Variants in WWC2 observed in about 807,000 individuals in gnomAD.
The protein encoded by WWC2 is WW and C2 domain containing 2, also known as protein WWC2.
In WWC2, 101 loss-of-function variants were observed where a neutral mutation model predicts 138.5. That is an observed-to-expected ratio of 0.73 (90% confidence interval 0.62 to 0.86). The LOEUF (loss-of-function observed/expected upper bound fraction) is 0.86. WWC2 is among the 40% of genes least tolerant of loss of function. WWC2 has a pLI of 0.00. For missense variants in WWC2, 1,420 were observed against 1,419.4 expected, an observed-to-expected ratio of 1.00 and a Z score of -0.01; for synonymous variants, 558 against 538.4, an observed-to-expected ratio of 1.04 and a Z score of -0.50.
chr4:183,255,902 C>T (rs1274361467), intron 9 of WWC2, among the ~76,000 whole-genome samples: 1 of 142,088 alleles, frequency 7.0e-6, no homozygotes, highest in African/African-American at 3.1e-5. Context: ...AACGAACAGC[C>T]CAAACCTCAC....
intron 1 of WWC2, among the ~76,000 whole-genome samples, chr4:183,138,413 G>A (rs138006987): frequency 1.3e-5 from 2 of 152,248 alleles, no homozygotes; most frequent in African/African-American, 4.8e-5. Context: ...CTTAGCTCAG[G>A]GGTTTGGACA....
chr4:183,167,421 A>G (rs1734158051), intron 1 of WWC2, among the ~76,000 whole-genome samples: 1 of 152,164 alleles, frequency 6.6e-6, no homozygotes, highest in African/African-American at 2.4e-5. Flanking sequence ...TAAGGGAGAG[A>G]GAGGTTATTT....
intron 4 of WWC2, among the ~76,000 whole-genome samples, chr4:183,212,594 A>T (rs114727756): frequency 6.6e-6 from 1 of 152,212 alleles, no homozygotes; most frequent in Non-Finnish European, 1.5e-5. Flanking sequence ...CACCCTTTTC[A>T]TAGTTCTTAT....
intron 1 of WWC2, among the ~76,000 whole-genome samples, chr4:183,186,149 A>G (rs112321794): frequency 0.03 from 4,583 of 152,128 alleles, 239 homozygotes; most frequent in African/African-American, 0.11. Context: ...GGGTTTCACC[A>G]TTCACAGGAT....
intron 2 of WWC2, among the ~76,000 whole-genome samples, chr4:183,203,063 CAGTT>C (rs931193279): frequency 1.3e-5 from 2 of 152,096 alleles, no homozygotes; most frequent in African/African-American, 4.8e-5. Context: ...AATTTGAACC[CAGTT>C]AGACTGAATA....
At chr4:183,154,108 G>T (rs1026124732) in intron 1 of WWC2, among the ~76,000 whole-genome samples, 3 of 151,024 alleles carry the variant, frequency 2.0e-5, no homozygotes, top group African/African-American at 7.3e-5. Flanking sequence ...TAAATTTCTG[G>T]GTTAATTTTT....
rs550828470 is a variant in WWC2 at position 183,178,637 on chromosome 4, C to T, written c.132-14962C>T. The stretch of plus-strand genomic sequence containing the variant: ...GATGGAACTGAAGCACCAGATACTT[C>T]CCCACAAGCTATTAAGGCTGAGTTA... On this transcript the variant is annotated intron_variant, in intron 1 of 22. Coordinates refer to ENST00000403733, the MANE Select transcript of WWC2 (RefSeq NM_024949.6). Among the ~76,000 whole-genome samples, 10 of 151,868 alleles carry T rather than the reference C, an allele frequency of 6.6e-5. 1 individual carries two copies. The South Asian group carries it at 1.7e-3, about 25-fold the overall frequency.
intron 20 of WWC2, 145 bp downstream of exon 20, chr4:183,286,204 C>T (rs550546611): frequency 5.5e-5 from 40 of 732,194 alleles, no homozygotes; most frequent in East Asian, 8.4e-5. Context: ...TACACAGAGA[C>T]GCAGATGCCA....
intron 1 of WWC2, among the ~76,000 whole-genome samples, chr4:183,170,124 C>T (rs1297052481): frequency 6.6e-6 from 1 of 152,138 alleles, no homozygotes; most frequent in Non-Finnish European, 1.5e-5. Flanking sequence ...ATTAGTATTC[C>T]AGATGCTTAT....
intron 21 of WWC2, among the ~76,000 whole-genome samples, chr4:183,291,262 C>T (rs1738442190): frequency 6.6e-6 from 1 of 152,122 alleles, no homozygotes; most frequent in Admixed American, 6.5e-5. Flanking sequence ...TGGAGCTTCA[C>T]AGCGGGGAGA....
chr4:183,303,453 A>G (rs1030143399), intron 21 of WWC2, among the ~76,000 whole-genome samples: 8 of 152,192 alleles, frequency 5.3e-5, no homozygotes, highest in African/African-American at 1.9e-4. Flanking sequence ...CATACCTACA[A>G]GAGGGAGTCA....
chr4:183,243,737 CTGTG>C (rs56654737), intron 5 of WWC2, among the ~76,000 whole-genome samples: 10,299 of 129,768 alleles, frequency 0.079, 417 homozygotes, highest in South Asian at 0.091. Flanking sequence ...ATTCTAAACA[CTGTG>C]TGTGTGTGTG....
chr4:183,172,199 C>G (rs967664475), intron 1 of WWC2, among the ~76,000 whole-genome samples: 3 of 152,120 alleles, frequency 2.0e-5, no homozygotes, highest in Non-Finnish European at 4.4e-5. Flanking sequence ...CAAGTTTGTC[C>G]TGGTTAATCA....
At chr4:183,258,909 C>G (rs564147169) in intron 9 of WWC2, among the ~76,000 whole-genome samples, 2 of 152,038 alleles carry the variant, frequency 1.3e-5, no homozygotes, top group Non-Finnish European at 2.9e-5. Flanking sequence ...CCCCTGGGTA[C>G]TTGGTATATT....
chr4:183,190,524 A>C (rs1734961811), intron 1 of WWC2, among the ~76,000 whole-genome samples: 1 of 152,148 alleles, frequency 6.6e-6, no homozygotes, highest in Non-Finnish European at 1.5e-5. Context: ...TTCAGTCCTA[A>C]AACTTTAATA....
chr4:183,128,816 C>T (rs1397726051), intron 1 of WWC2, among the ~76,000 whole-genome samples: 2 of 152,138 alleles, frequency 1.3e-5, no homozygotes, highest in African/African-American at 4.8e-5. Context: ...GATGTTGCCT[C>T]CAAAATAATG....
At chr4:183,158,713 C>T (rs1733873124) in intron 1 of WWC2, among the ~76,000 whole-genome samples, 1 of 151,944 alleles carries the variant, frequency 6.6e-6, no homozygotes, top group Admixed American at 6.6e-5. Flanking sequence ...TACAAAAATA[C>T]AGAAACTAGT....
In WWC2 at chr4:183,103,878, C is replaced by T. The variant is rs375365801; in HGVS notation, c.131+4256C>T. 1.8e-4 allele frequency among the ~76,000 whole-genome samples: 27 copies of T among 148,976 alleles called. No homozygotes were observed. The East Asian group carries it at 4.2e-3, about 23-fold the overall frequency. On this transcript the variant is annotated intron_variant, in intron 1 of 22. Transcript: ENST00000403733. ...CTCCATCTCCTGACCTTGTGATGCG[C>T]CCACCTTGGCCTCCCAAAGTGCTGG...
intron 1 of WWC2, among the ~76,000 whole-genome samples, chr4:183,181,157 G>A (rs1734621760): frequency 6.6e-6 from 1 of 152,166 alleles, no homozygotes; most frequent in South Asian, 2.1e-4. Flanking sequence ...ACCTTCTGTT[G>A]TGGTGAGCTC....
Sources: allele counts gnomAD v4.1 joint callset (sites outside exome capture counted in the v4.1 genomes callset), GRCh38; gene constraint gnomAD v4.1.1; transcripts MANE v1.5; gene names NCBI Gene and HGNC (gene_info 2026-07-23, HGNC 2026-07-21).